The following CPZ variants were observed in gnomAD, a reference collection of about 807,000 sequenced individuals.
The protein encoded by CPZ is carboxypeptidase Z, also known as VEZT/CPZ fusion.
In CPZ, 103 loss-of-function variants were observed where a neutral mutation model predicts 61.8. That is an observed-to-expected ratio of 1.67 (90% CI 1.42 to 1.96). CPZ has a LOEUF of 1.96. CPZ is among the 30% of genes most tolerant of loss of function. The pLI, the probability that CPZ is intolerant of heterozygous loss-of-function variation, is 0.00. For missense variants in CPZ, 1,461 were observed against 914.9 expected, an observed-to-expected ratio of 1.60 and a Z score of -7.70; for synonymous variants, 551 against 373.7, an observed-to-expected ratio of 1.47 and a Z score of -5.47.
intron 1 of CPZ, among the ~76,000 whole-genome samples, chr4:8,595,748 T>A (rs1488074826): frequency 6.6e-6 from 1 of 152,218 alleles, no homozygotes; most frequent in Non-Finnish European, 1.5e-5. Context: ...GGAGCGTACT[T>A]GGAAACAAGG....
intron 7 of CPZ, among the ~76,000 whole-genome samples, chr4:8,609,541 C>A (rs899463138): frequency 2.2e-5 from 3 of 137,538 alleles, no homozygotes; most frequent in African/African-American, 1.1e-4. Flanking sequence ...GCGGCCTCCA[C>A]TTCTGGCCTG....
chr4:8,605,322 TCATCCATC>T (rs6148295), intron 4 of CPZ, among the ~76,000 whole-genome samples: 137 of 150,094 alleles, frequency 9.1e-4, no homozygotes, highest in African/African-American at 2.3e-3. Flanking sequence ...ATTCATTTAT[TCATCCATC>T]CATCCATCCA....
intron 2 of CPZ, 99 bp from the exon 3 acceptor site, chr4:8,601,024 C>T: frequency 2.8e-6 from 4 of 1,448,016 alleles, no homozygotes; most frequent in Non-Finnish European, 3.6e-6. Flanking sequence ...CCCCTCCCTG[C>T]AGGCCCTGGC....
Position 8,607,252 on chromosome 4 carries a change from G to A in CPZ, c.1069-15G>A, listed in dbSNP as rs2302578. On this transcript the variant is annotated splice_polypyrimidine_tract_variant and intron_variant, in intron 6 of 10. Transcript: ENST00000360986. ...AAAGCCCAGCCCTGAGGGCGGCCTC[G>A]TCTGTCCTGGGCAGGTGGCCCCGGA... 0.5 allele frequency: 804,039 copies of A among 1,612,112 alleles called. 205,087 individuals carry two copies. The highest frequency in any genetic ancestry group is 0.64 in the Admixed American group (38,420 of 59,936).
rs1171974554 is a variant in CPZ at position 8,612,007 on chromosome 4, G to C, written c.1228-20G>C. On this transcript the variant is annotated intron_variant, in intron 7 of 10. Coordinates refer to ENST00000360986, the MANE Select transcript of CPZ (RefSeq NM_001014447.3). ...CCTGCAGGGGACCCTTTCCTTATCT[G>C]AGCCAGGTTTCTTTTCCAGATGTTC... 2 of 1,613,734 alleles carry C rather than the reference G, an allele frequency of 1.2e-6. No homozygotes were observed. Among genetic ancestry groups the C allele is most frequent in the East Asian group, 4.5e-5 (2 of 44,872 alleles).
Position 8,601,017 on chromosome 4 carries a change from C to A in CPZ, c.122-106C>A, listed in dbSNP as rs1043648086. 2.0e-5 allele frequency: 29 copies of A among 1,439,786 alleles called. No homozygotes were observed. In the African/African-American group the frequency reaches 4.0e-4, roughly 20 times the overall value. 89.2% of individuals were successfully genotyped at this position (1,439,786 alleles called of 1,614,324 possible). Reference sequence around the variant, plus strand: ...CTCCCCTGCCAGACCGTGGGTGCCCCTCCCTGCAGGCCCTGGCCCTGCGTG... The same window carrying A: ...CTCCCCTGCCAGACCGTGGGTGCCCATCCCTGCAGGCCCTGGCCCTGCGTG... On this transcript the variant is annotated intron_variant, in intron 2 of 10. Transcript: ENST00000360986.
Position 8,612,175 on chromosome 4 carries a change from C to A in CPZ, c.1363+13C>A. ...AGCTTCACGGGAGGTGCGGCTTCCGCAGGGCGGGACTGGGCGGGGGGTGGG... is the reference window on the plus strand; with the variant it reads ...AGCTTCACGGGAGGTGCGGCTTCCGAAGGGCGGGACTGGGCGGGGGGTGGG... On this transcript the variant is annotated intron_variant, in intron 8 of 10. Transcript: ENST00000360986. The A allele has an allele frequency of 2.7e-6, 2 of 739,300 alleles. No homozygotes were observed. Among genetic ancestry groups the A allele is most frequent in the Non-Finnish European group, 3.2e-6 (2 of 616,702 alleles). The allele number at this position is 739,300 out of a possible 1,614,324, so 45.8% of individuals were successfully genotyped here.
intron 9 of CPZ, among the ~76,000 whole-genome samples, chr4:8,616,621 A>C (rs1489494627): frequency 6.6e-6 from 1 of 151,990 alleles, no homozygotes; most frequent in Non-Finnish European, 1.5e-5. Context: ...CGGCCCGGTG[A>C]GGGGCTGGTG....
chr4:8,609,493 C>G (rs1577120879), intron 7 of CPZ, among the ~76,000 whole-genome samples: 2 of 152,384 alleles, frequency 1.3e-5, no homozygotes, highest in African/African-American at 4.8e-5. Context: ...GTCTGGTTCT[C>G]TGCTCAGACC....
chr4:8,603,668 C>T, intron 3 of CPZ: 2 of 444,386 alleles, frequency 4.5e-6, no homozygotes, highest in Non-Finnish European at 8.1e-6. Flanking sequence ...GGTCCAGGAC[C>T]CCATATATCT....
intron 9 of CPZ, 78 bp from the exon 10 acceptor site, chr4:8,618,351 G>GA (rs1716380272): frequency 1.4e-5 from 20 of 1,389,254 alleles, no homozygotes; most frequent in Admixed American, 1.0e-4. Context: ...TGAGGAGCAT[G>GA]TGGGGAACGA....
intron 9 of CPZ, chr4:8,617,971 G>C (rs112653983): frequency 1.1e-5 from 2 of 189,876 alleles, no homozygotes; most frequent in South Asian, 2.3e-4. Context: ...ACACGTGTAC[G>C]ATGAAGAAAC....
chr4:8,607,415 C>A lies in CPZ; in HGVS notation c.1217C>A (p.Pro406His). ...PQEEKMFSPTPDEKMFKLLSR... is the reference protein window; with the variant it reads ...PQEEKMFSPTHDEKMFKLLSR... The stretch of plus-strand genomic sequence containing the variant: ...GAGGAGAAGATGTTTTCTCCCACGC[C>A]CGACGAGAAGGTGAGAGGGCTGTCG... The change falls in exon 7 of 11, where the codon CCC (proline) becomes CAC (histidine). Residue 406 changes from proline (P) to histidine (H), a missense_variant. Pro to His is a moderately conservative substitution (Grantham distance 77). Transcript: ENST00000360986. 1 of 1,613,970 alleles carries A rather than the reference C, an allele frequency of 6.2e-7. No homozygotes were observed. The highest frequency in any genetic ancestry group is 8.5e-7 in the Non-Finnish European group (1 of 1,179,912).
intron 8 of CPZ, 59 bp from the exon 9 acceptor site, chr4:8,614,300 G>A (rs546673712): frequency 3.0e-4 from 464 of 1,571,738 alleles, no homozygotes; most frequent in East Asian, 1.6e-3. Context: ...CACCCCTGAC[G>A]TCCCGGCTGT....
At chr4:8,595,791 C>G (rs781375336) in intron 1 of CPZ, among the ~76,000 whole-genome samples, 2 of 152,186 alleles carry the variant, frequency 1.3e-5, no homozygotes, top group African/African-American at 2.4e-5. Flanking sequence ...CAGATGAGGC[C>G]TCACGGGATT....
At chr4:8,598,693 C>T (rs1714359723) in intron 1 of CPZ, among the ~76,000 whole-genome samples, 1 of 152,274 alleles carries the variant, frequency 6.6e-6, no homozygotes, top group Admixed American at 6.5e-5. Flanking sequence ...TGCGTTCTCG[C>T]TGCCTGATGC....
In CPZ at chr4:8,611,087, TTCACTCACTCAC is replaced by T. The variant is rs61069089; in HGVS notation, c.1228-926_1228-915del. ...ACTCATTCACTCATTCATTCGCTCA[TTCACTCACTCAC>T]TCACTCACTCACTGGGCCCTGCCTG... On this transcript the variant is annotated intron_variant, in intron 7 of 10. Coordinates refer to ENST00000360986, the MANE Select transcript of CPZ (RefSeq NM_001014447.3). 2.1e-3 allele frequency: 804 copies of T among 391,694 alleles called. 1 individual carries two copies. Among genetic ancestry groups the T allele is most frequent in the South Asian group, 3.5e-3 (201 of 57,696 alleles). 24.3% of individuals were successfully genotyped at this position (391,694 alleles called of 1,614,324 possible). A position where few individuals can be genotyped will look rare whatever the true frequency, so the allele number is the denominator to read the frequency against.
At chr4:8,614,227 C>A in intron 8 of CPZ, 132 bp from the exon 9 acceptor site, 1 of 1,274,918 alleles carries the variant, frequency 7.8e-7, no homozygotes, top group Non-Finnish European at 1.1e-6. Flanking sequence ...GCTGACACCC[C>A]GACGTCCCGG....
At chr4:8,609,223 C>T (rs1337790509) in intron 7 of CPZ, among the ~76,000 whole-genome samples, 52 of 46,680 alleles carry the variant, frequency 1.1e-3, no homozygotes, top group African/African-American at 2.9e-3. Flanking sequence ...CATTCACTTA[C>T]TCACTCATTG....
Sources: allele counts gnomAD v4.1 joint callset (sites outside exome capture counted in the v4.1 genomes callset), GRCh38; gene constraint gnomAD v4.1.1; transcripts MANE v1.5; gene names NCBI Gene and HGNC (gene_info 2026-07-23, HGNC 2026-07-21).